Variants in KALRN observed in about 807,000 individuals in gnomAD.
KALRN encodes the protein kalirin RhoGEF kinase.
KALRN carries 70 observed loss-of-function variants against 353.7 expected under a neutral mutation model. The observed-to-expected ratio is 0.20, with a 90% confidence interval of 0.16 to 0.24. The LOEUF (loss-of-function observed/expected upper bound fraction) is 0.24. KALRN is among the 10% of genes least tolerant of loss of function. The pLI is 1.00. For synonymous variants in KALRN, 1,391 were observed against 1,434.8 expected (o/e 0.97, Z 0.69); for missense variants, 2,791 against 3,756.7 (o/e 0.74, Z 6.72).
intron 1 of KALRN, among the ~76,000 whole-genome samples, chr3:124,189,597 G>A (rs977623484): frequency 1.3e-5 from 2 of 151,770 alleles, no homozygotes; most frequent in African/African-American, 2.4e-5. Flanking sequence ...GAGGTCAGGC[G>A]TTCAAGACCA....
intron 17 of KALRN, among the ~76,000 whole-genome samples, chr3:124,435,629 C>T (rs997654593): frequency 4.6e-5 from 7 of 152,152 alleles, no homozygotes; most frequent in Admixed American, 4.6e-4. Flanking sequence ...GCAAATATGA[C>T]ATGCGCATCA....
At chr3:124,688,800 G>A (rs187381557) in intron 51 of KALRN, among the ~76,000 whole-genome samples, 1 of 152,242 alleles carries the variant, frequency 6.6e-6, no homozygotes, top group East Asian at 1.9e-4. Flanking sequence ...TCAGACATTG[G>A]CTGACAAGGA....
chr3:124,609,835 G>T (rs1488388805), intron 34 of KALRN, among the ~76,000 whole-genome samples: 2 of 152,156 alleles, frequency 1.3e-5, no homozygotes, highest in Non-Finnish European at 2.9e-5. Flanking sequence ...GAGGTGGGTG[G>T]TAGTTATCCT....
chr3:124,619,585 C>T (rs886775475), intron 34 of KALRN, among the ~76,000 whole-genome samples: 19 of 148,856 alleles, frequency 1.3e-4, no homozygotes, highest in African/African-American at 4.7e-4. Flanking sequence ...CTCCCAGGCT[C>T]AAGCAATTCT....
chr3:124,628,388 C>CTTCT (rs2080302847), intron 34 of KALRN, among the ~76,000 whole-genome samples: 1 of 55,936 alleles, frequency 1.8e-5, no homozygotes, highest in African/African-American at 8.1e-5. Context: ...TCCCTCCTTC[C>CTTCT]TTCCTTCCTT....
chr3:124,686,874 G>T (rs889012528), intron 51 of KALRN, among the ~76,000 whole-genome samples: 1 of 131,604 alleles, frequency 7.6e-6, no homozygotes, highest in African/African-American at 3.0e-5. Flanking sequence ...GAGTGCAGTG[G>T]CATGATCTCG....
In KALRN at chr3:124,338,743, G is replaced by A. The variant is rs572467654; in HGVS notation, c.1647+4248G>A. Reference sequence around the variant, plus strand: ...CTAATATTTATAGTGGGGTGTTAAAGTCTCCCACTATTATTGTGTGGGAGT... The same window carrying A: ...CTAATATTTATAGTGGGGTGTTAAAATCTCCCACTATTATTGTGTGGGAGT... On this transcript the variant is annotated intron_variant, in intron 9 of 59. Coordinates refer to ENST00000682506, the MANE Select transcript of KALRN (RefSeq NM_001388419.1). Among the ~76,000 whole-genome samples the A allele has an allele frequency of 4.6e-5, 7 of 152,202 alleles. No individual in the cohort carries two copies. In the South Asian group the frequency reaches 1.0e-3, roughly 23 times the overall value.
At chr3:124,195,173 T>C (rs930237824) in intron 1 of KALRN, among the ~76,000 whole-genome samples, 50 of 152,246 alleles carry the variant, frequency 3.3e-4, no homozygotes, top group African/African-American at 1.1e-3. Flanking sequence ...TGCAAAGACA[T>C]TTTTACTATA....
intron 1 of KALRN, among the ~76,000 whole-genome samples, chr3:124,104,486 C>T (rs2062122897): frequency 6.7e-6 from 1 of 149,530 alleles, no homozygotes; most frequent in African/African-American, 2.5e-5. Context: ...AAGACTAAAT[C>T]AGACTGCCTG....
At chr3:124,597,020 T>A (rs1345952908) in intron 34 of KALRN, among the ~76,000 whole-genome samples, 1 of 151,916 alleles carries the variant, frequency 6.6e-6, no homozygotes, top group Non-Finnish European at 1.5e-5. Context: ...GGCACTCCAA[T>A]CTAGGTGACA....
At chr3:124,664,404 C>A (rs1195317120) in intron 45 of KALRN, among the ~76,000 whole-genome samples, 1 of 149,852 alleles carries the variant, frequency 6.7e-6, no homozygotes, top group Admixed American at 6.6e-5. Context: ...CCCACAAGCA[C>A]AGAATCAAGC....
intron 10 of KALRN, among the ~76,000 whole-genome samples, chr3:124,379,817 A>G: frequency 6.6e-6 from 1 of 152,216 alleles, no homozygotes; most frequent in East Asian, 1.9e-4. Context: ...AAGGTGAAAG[A>G]GATTTGTCAG....
chr3:124,126,175 A>C (rs2064642740), intron 1 of KALRN, among the ~76,000 whole-genome samples: 2 of 152,084 alleles, frequency 1.3e-5, no homozygotes, highest in Admixed American at 1.3e-4. Context: ...CCAGTCCTCA[A>C]CTTAATGATT....
intron 1 of KALRN, among the ~76,000 whole-genome samples, chr3:124,199,540 C>G (rs1221674308): frequency 7.4e-6 from 1 of 135,996 alleles, no homozygotes; most frequent in African/African-American, 2.7e-5. Context: ...TTCATTTATT[C>G]AAATAATTTT....
At chr3:124,504,796 G>T (rs2065026457) in intron 33 of KALRN, 1 of 464,644 alleles carries the variant, frequency 2.2e-6, no homozygotes, top group Non-Finnish European at 4.5e-6. Context: ...TGGGAGGACT[G>T]AGCTGCCAGA....
At chr3:124,444,756 T>A (rs2093775844) in intron 19 of KALRN, among the ~76,000 whole-genome samples, 2 of 134,574 alleles carry the variant, frequency 1.5e-5, no homozygotes, top group Non-Finnish European at 1.5e-5. Flanking sequence ...TGCAATGAGC[T>A]ATGACTGCAC....
Position 124,655,650 on chromosome 3 carries a change from C to G in KALRN, c.5845C>G (p.Leu1949Val). The change falls in exon 39 of 60, where the codon CTG (leucine) becomes GTG (valine). Residue 1949 changes from leucine to valine, a missense_variant. Physicochemically the swap from Leu to Val is conservative, Grantham distance 32 (BLOSUM62 1). This residue lies in a region of KALRN where 1,065 missense variants were observed against 1,156.4 expected (regional missense o/e 0.92). Transcript: ENST00000682506. ...GACAGAGAAAGACTATGTCAAGGAT[C>G]TGGGCATTGTGGTGGAGGTAAGTAG... ...VQTEKDYVKD[L>V]GIVVEGFMKR... 1.2e-6 allele frequency: 2 copies of G among 1,613,998 alleles called. No individual in the cohort carries two copies. The highest frequency in any genetic ancestry group is 1.7e-6 in the Non-Finnish European group (2 of 1,179,876).
intron 9 of KALRN, among the ~76,000 whole-genome samples, chr3:124,344,338 C>G (rs2082064094): frequency 6.6e-6 from 1 of 152,214 alleles, no homozygotes; most frequent in East Asian, 1.9e-4. Context: ...TCAGGCACTG[C>G]TGATGTCTGC....
intron 1 of KALRN, among the ~76,000 whole-genome samples, chr3:124,049,268 C>A (rs769355207): frequency 1.8e-4 from 28 of 152,132 alleles, no homozygotes; most frequent in African/African-American, 6.5e-4. Flanking sequence ...ATGCAAAAGC[C>A]ATAGCCTGCT....
Sources: allele counts gnomAD v4.1 joint callset (sites outside exome capture counted in the v4.1 genomes callset), GRCh38; gene constraint gnomAD v4.1.1; regional missense constraint gnomAD v4.1.1; transcripts MANE v1.5; gene names NCBI Gene and HGNC (gene_info 2026-07-23, HGNC 2026-07-21).